Variants in ABTB2 observed in about 807,000 individuals in gnomAD.
ABTB2 encodes ankyrin repeat and BTB/POZ domain-containing protein 2.
ABTB2 carries 56 observed loss-of-function variants against 104.1 expected under a neutral mutation model. The ratio of observed to expected loss-of-function variants is 0.54; its 90% CI spans 0.43 to 0.67. The LOEUF is 0.67. Ranked by LOEUF, ABTB2 falls within the 30% of genes least tolerant of loss-of-function variation. The pLI is 0.00. For missense variants in ABTB2, 1,279 were observed against 1,407.7 expected, an observed-to-expected ratio of 0.91 and a Z score of 1.46; for synonymous variants, 606 against 608.2, an observed-to-expected ratio of 1.00 and a Z score of 0.05.
intron 1 of ABTB2, among the ~76,000 whole-genome samples, chr11:34,347,100 T>G (rs1409280740): frequency 6.6e-6 from 1 of 152,174 alleles, no homozygotes; most frequent in Non-Finnish European, 1.5e-5. Context: ...TCTTGTTTAA[T>G]TTTTCCATCA....
At chr11:34,322,548 C>T (rs1855017165) in intron 1 of ABTB2, among the ~76,000 whole-genome samples, 1 of 151,700 alleles carries the variant, frequency 6.6e-6, no homozygotes, top group South Asian at 2.1e-4. Flanking sequence ...GCACTCCAGC[C>T]TAGGTGACAC....
chr11:34,214,989 T>C (rs1853532887), intron 1 of ABTB2, among the ~76,000 whole-genome samples: 1 of 152,208 alleles, frequency 6.6e-6, no homozygotes, highest in Admixed American at 6.5e-5. Context: ...TCTGCATGCC[T>C]CATTCCAAGT....
In ABTB2 at chr11:34,357,160, C is replaced by T; in HGVS notation, c.424G>A (p.Glu142Lys). 2.0e-6 allele frequency: 3 copies of T among 1,492,388 alleles called. No homozygotes were observed. Among genetic ancestry groups the T allele is most frequent in the Non-Finnish European group, 1.8e-6 (2 of 1,130,046 alleles). The allele number at this position is 1,492,388 out of a possible 1,614,324, so 92.4% of individuals were successfully genotyped here. Residue 142 changes from glutamate (E) to lysine (K), a missense_variant, in exon 1 of 17, where the codon GAG becomes AAG. Glu to Lys is a moderately conservative substitution (Grantham distance 56). Coordinates refer to ENST00000435224, the MANE Select transcript of ABTB2 (RefSeq NM_145804.3). Reference protein sequence around the residue: ...LRRALIRVAREAQRLSVLHAK... With the variant: ...LRRALIRVARKAQRLSVLHAK... ...TGCAGCACGCTCAGGCGCTGCGCCT[C>T]GCGGGCCACGCGGATCAGTGCCCTG...
Position 34,173,136 on chromosome 11 carries a change from C to A in ABTB2, c.1397+19G>T. The A allele has an allele frequency of 6.2e-7, 1 of 1,613,480 alleles. No homozygotes were observed. ...GCAGGTCATGGATGCCGGGGCCCTC[C>A]CTCCTCCCTGGTTCATACTTGAGCT... is the stretch of plus-strand genomic sequence containing the variant. On this transcript the variant is annotated intron_variant, in intron 4 of 16. Transcript: ENST00000435224.
At chr11:34,210,860 C>T (rs1297697110) in intron 1 of ABTB2, among the ~76,000 whole-genome samples, 2 of 152,240 alleles carry the variant, frequency 1.3e-5, no homozygotes, top group Admixed American at 1.3e-4. Flanking sequence ...GGGTGGGGTG[C>T]AATCCATAAG....
At chr11:34,290,223 T>C (rs965820194) in intron 1 of ABTB2, among the ~76,000 whole-genome samples, 6 of 152,230 alleles carry the variant, frequency 3.9e-5, no homozygotes, top group Non-Finnish European at 8.8e-5. Flanking sequence ...ATTACATTTG[T>C]ATCAAAGTAG....
chr11:34,250,447 C>T (rs541535164), intron 1 of ABTB2, among the ~76,000 whole-genome samples: 53 of 152,314 alleles, frequency 3.5e-4, no homozygotes, highest in African/African-American at 1.2e-3. Context: ...GAAATCTCTT[C>T]CTTCCTTGCC....
intron 1 of ABTB2, among the ~76,000 whole-genome samples, chr11:34,209,137 G>A (rs1010565862): frequency 6.6e-6 from 1 of 152,106 alleles, no homozygotes; most frequent in African/African-American, 2.4e-5. Flanking sequence ...CTTGAGGCCA[G>A]GAGTTTGAGA....
intron 4 of ABTB2, among the ~76,000 whole-genome samples, chr11:34,171,345 C>T (rs879771937): frequency 1.3e-5 from 2 of 152,112 alleles, no homozygotes; most frequent in Non-Finnish European, 2.9e-5. Context: ...GAGGACAAGG[C>T]AGGTGAATCA....
intron 16 of ABTB2, among the ~76,000 whole-genome samples, chr11:34,152,871 C>T (rs1274048943): frequency 6.6e-6 from 1 of 152,216 alleles, no homozygotes; most frequent in Non-Finnish European, 1.5e-5. Context: ...GGACTGTCCA[C>T]CACTGGGTGT....
chr11:34,199,933 C>T (rs919923659), intron 2 of ABTB2, among the ~76,000 whole-genome samples: 2 of 152,106 alleles, frequency 1.3e-5, no homozygotes, highest in Admixed American at 6.5e-5. Context: ...CTCTTCCTTC[C>T]AGGACTACTG....
rs550152799 is a variant in ABTB2 at position 34,346,147 on chromosome 11, C to T, written c.883+10554G>A. On this transcript the variant is annotated intron_variant, in intron 1 of 16. Transcript: ENST00000435224. Reference sequence around the variant, plus strand: ...TCATTTTCCCTCCTCTTTGAAACACCGGCCCTGCCAATGGCAACAAACAGC... The same window carrying T: ...TCATTTTCCCTCCTCTTTGAAACACTGGCCCTGCCAATGGCAACAAACAGC... 2.4e-4 allele frequency among the ~76,000 whole-genome samples: 37 copies of T among 152,330 alleles called. No individual in the cohort carries two copies. The South Asian group carries it at 3.5e-3, about 14-fold the overall frequency.
In ABTB2 at chr11:34,169,589, G is replaced by T. The variant is rs1404206544; in HGVS notation, c.1563+1317C>A. Reference sequence around the variant, plus strand: ...AGTCCACGGGCTTCCACACTGTGCTGTTCAAGAAGGAAGACTCCACTGGGA... The same window carrying T: ...AGTCCACGGGCTTCCACACTGTGCTTTTCAAGAAGGAAGACTCCACTGGGA... On this transcript the variant is annotated intron_variant, in intron 5 of 16. Transcript: ENST00000435224. Among the ~76,000 whole-genome samples, 3 of 152,196 alleles carry T rather than the reference G, an allele frequency of 2.0e-5. No individual in the cohort carries two copies. In the East Asian group the frequency reaches 5.8e-4, roughly 29 times the overall value.
chr11:34,208,271 C>G (rs539396497), intron 1 of ABTB2, among the ~76,000 whole-genome samples: 1 of 152,326 alleles, frequency 6.6e-6, no homozygotes, highest in East Asian at 1.9e-4. Flanking sequence ...AAGGACATAT[C>G]TATTTTTTTC....
rs867115894 is a variant in ABTB2, at chr11:34,297,781, A to T, written c.883+58920T>A. 9.0e-3 allele frequency among the ~76,000 whole-genome samples: 662 copies of T among 73,190 alleles called. 23 individuals carry two copies. Among genetic ancestry groups the T allele is most frequent in the South Asian group, 0.061 (110 of 1,816 alleles). 48.0% of individuals were successfully genotyped at this position (73,190 alleles called of 152,430 possible). ...AACTCCATCTCAAAAAAAAAAAAAA[A>T]AAATAAAAATAAAGGAAAGAAAAAG... On this transcript the variant is annotated intron_variant, in intron 1 of 16. Transcript: ENST00000435224.
intron 3 of ABTB2, among the ~76,000 whole-genome samples, chr11:34,180,459 A>C (rs922850612): frequency 3.3e-5 from 5 of 152,258 alleles, no homozygotes; most frequent in Non-Finnish European, 7.3e-5. Context: ...CAAACAGCCC[A>C]AAGGCCTAAC....
chr11:34,191,506 C>T (rs1853176026), intron 3 of ABTB2, among the ~76,000 whole-genome samples: 1 of 152,208 alleles, frequency 6.6e-6, no homozygotes, highest in Non-Finnish European at 1.5e-5. Flanking sequence ...AGTTGGAGAA[C>T]AAGATTAGTA....
intron 1 of ABTB2, among the ~76,000 whole-genome samples, chr11:34,337,123 T>C (rs1418309726): frequency 6.6e-6 from 1 of 152,218 alleles, no homozygotes; most frequent in Non-Finnish European, 1.5e-5. Flanking sequence ...AGTGAGTGGA[T>C]TCGGATGAGT....
rs570651788 is a variant in ABTB2, at chr11:34,253,569, G to A, written c.884-48879C>T. On this transcript the variant is annotated intron_variant, in intron 1 of 16. Coordinates refer to ENST00000435224, the MANE Select transcript of ABTB2 (RefSeq NM_145804.3). The stretch of plus-strand genomic sequence containing the variant: ...CACACTCTTGTAATCCCAGCTACTC[G>A]GGAGGCTGAGGCAGGAGAATCCCTT... Among the ~76,000 whole-genome samples, 15 of 152,152 alleles carry A rather than the reference G, an allele frequency of 9.9e-5. No homozygotes were observed. The East Asian group carries it at 1.9e-3, about 20-fold the overall frequency.
Sources: gnomAD v4.1 joint callset for allele counts (sites outside exome capture counted in the v4.1 genomes callset) on GRCh38, gnomAD v4.1.1 for gene constraint, MANE v1.5 for transcripts, NCBI Gene and HGNC (gene_info 2026-07-23, HGNC 2026-07-21) for gene names.